The following LDLRAD4 variants were observed in gnomAD, a reference collection of about 807,000 sequenced individuals.
The protein encoded by LDLRAD4 is low-density lipoprotein receptor class A domain-containing protein 4.
Under a neutral mutation model 17.0 loss-of-function variants are expected in LDLRAD4, and 5 were observed. The observed-to-expected ratio is 0.29, with a 90% CI of 0.15 to 0.62. The LOEUF (loss-of-function observed/expected upper bound fraction) is 0.62, where lower values mean the gene tolerates loss of function less well. Among genes scored for constraint, LDLRAD4 ranks in the 20% least tolerant of loss-of-function variants. The pLI, the probability that LDLRAD4 is intolerant of heterozygous loss-of-function variation, is 0.84. For missense variants in LDLRAD4, 340 were observed against 424.7 expected, an observed-to-expected ratio of 0.80 and a Z score of 1.75; for synonymous variants, 168 against 171.8, an observed-to-expected ratio of 0.98 and a Z score of 0.17.
intron 4 of LDLRAD4, among the ~76,000 whole-genome samples, chr18:13,624,411 C>G (rs541123022): frequency 6.6e-6 from 1 of 152,374 alleles, no homozygotes; most frequent in African/African-American, 2.4e-5. Context: ...TCCGCAGGAG[C>G]CAGGCACTGA....
At chr18:13,591,258 G>A (rs1019135466) in intron 3 of LDLRAD4, among the ~76,000 whole-genome samples, 2 of 152,200 alleles carry the variant, frequency 1.3e-5, no homozygotes, top group African/African-American at 2.4e-5. Context: ...GACTGTTATT[G>A]TAGAAACTGG....
chr18:13,457,001 G>C (rs2092171104), intron 3 of LDLRAD4, among the ~76,000 whole-genome samples: 1 of 152,246 alleles, frequency 6.6e-6, no homozygotes, highest in Admixed American at 6.5e-5. Context: ...TGAGAGCAGA[G>C]AACAGTCATC....
intron 3 of LDLRAD4, among the ~76,000 whole-genome samples, chr18:13,444,162 A>G (rs2091231701): frequency 6.6e-6 from 1 of 152,250 alleles, no homozygotes; most frequent in Non-Finnish European, 1.5e-5. Flanking sequence ...ACAGGTGACC[A>G]CTGAGATTTC....
rs567752948 is a variant in LDLRAD4 at position 13,548,766 on chromosome 18, G to A, written c.182-72351G>A. Among the ~76,000 whole-genome samples the A allele has an allele frequency of 2.0e-5, 3 of 152,306 alleles. No individual in the cohort carries two copies. The South Asian group carries it at 6.2e-4, about 32-fold the overall frequency. ...CCCCACCAACTTGGAAAGGGTTAGG[G>A]CTCCCACCTGTTCCTGGCTCCTGCC... On this transcript the variant is annotated intron_variant, in intron 3 of 5. Coordinates refer to ENST00000359446, the Ensembl canonical transcript of LDLRAD4.
Position 13,344,794 on chromosome 18 carries a change from C to T in LDLRAD4, c.-382-42547C>T, listed in dbSNP as rs146045989. On this transcript the variant is annotated intron_variant, in intron 1 of 5. Coordinates refer to ENST00000359446, the Ensembl canonical transcript of LDLRAD4. Reference sequence around the variant, plus strand: ...TGTAGTTCTCCTTGAAGAGGTCCTTCACATCCCTTTTAAGTTGGATTCCTA... The same window carrying T: ...TGTAGTTCTCCTTGAAGAGGTCCTTTACATCCCTTTTAAGTTGGATTCCTA... Among the ~76,000 whole-genome samples, 525 of 152,320 alleles carry T rather than the reference C, an allele frequency of 3.4e-3. 2 individuals carry two copies. Among genetic ancestry groups the T allele is most frequent in the Middle Eastern group, 0.017 (5 of 294 alleles).
At chr18:13,368,194 A>G (rs1473584919) in intron 1 of LDLRAD4, among the ~76,000 whole-genome samples, 2 of 152,130 alleles carry the variant, frequency 1.3e-5, no homozygotes, top group Non-Finnish European at 1.5e-5. Flanking sequence ...GTTTGGTGGC[A>G]TTGGCGCACG....
At chr18:13,275,339 C>A (rs1438122361), upstream of LDLRAD4, among the ~76,000 whole-genome samples, 1 of 152,222 alleles carries the variant, frequency 6.6e-6, no homozygotes. Context: ...TAAGCACTGA[C>A]TCAGGTTCAC....
At chr18:13,492,244 T>C (rs1164630417) in intron 3 of LDLRAD4, among the ~76,000 whole-genome samples, 1 of 152,222 alleles carries the variant, frequency 6.6e-6, no homozygotes. Context: ...GCCACAGGAC[T>C]CATCCACCCC....
intron 3 of LDLRAD4, among the ~76,000 whole-genome samples, chr18:13,504,553 G>A (rs1051427426): frequency 2.0e-5 from 3 of 152,104 alleles, no homozygotes; most frequent in Non-Finnish European, 2.9e-5. Context: ...TCAGCCTCCC[G>A]AGTAGCTGGG....
At chr18:13,448,415 G>A (rs563948871) in intron 3 of LDLRAD4, among the ~76,000 whole-genome samples, 9 of 152,174 alleles carry the variant, frequency 5.9e-5, no homozygotes, top group South Asian at 2.1e-4. Context: ...GGTCTCTTCC[G>A]GGCAGCTCCA....
chr18:13,341,602 A>G (rs896820981), intron 1 of LDLRAD4, among the ~76,000 whole-genome samples: 9 of 152,006 alleles, frequency 5.9e-5, no homozygotes, highest in African/African-American at 2.2e-4. Flanking sequence ...TTTATGTTTT[A>G]TGTTCATTAA....
intron 1 of LDLRAD4, among the ~76,000 whole-genome samples, chr18:13,326,516 G>T (rs1315743703): frequency 6.6e-6 from 1 of 152,236 alleles, no homozygotes; most frequent in Non-Finnish European, 1.5e-5. Flanking sequence ...GAATGGAACA[G>T]ACTTCAGTTT....
chr18:13,592,938 A>T (rs1385632443), intron 3 of LDLRAD4, among the ~76,000 whole-genome samples: 2 of 152,252 alleles, frequency 1.3e-5, no homozygotes, highest in African/African-American at 4.8e-5. Flanking sequence ...ATTGTGTCAA[A>T]TGAGGTTCTA....
At chr18:13,403,012 A>G (rs983264706) in intron 2 of LDLRAD4, among the ~76,000 whole-genome samples, 1 of 152,242 alleles carries the variant, frequency 6.6e-6, no homozygotes, top group Non-Finnish European at 1.5e-5. Context: ...CTGAAATAGT[A>G]TGTAGCTATT....
chr18:13,331,532 C>T (rs971636302), intron 1 of LDLRAD4, among the ~76,000 whole-genome samples: 4 of 152,178 alleles, frequency 2.6e-5, no homozygotes, highest in East Asian at 3.8e-4. Flanking sequence ...CGTTAAAATA[C>T]GGTGGTGATG....
chr18:13,312,244 G>C (rs2047279925), intron 1 of LDLRAD4, among the ~76,000 whole-genome samples: 1 of 152,116 alleles, frequency 6.6e-6, no homozygotes, highest in African/African-American at 2.4e-5. Context: ...TAATAATATT[G>C]TATAAAATTA....
chr18:13,492,121 C>T (rs2093370463), intron 3 of LDLRAD4, among the ~76,000 whole-genome samples: 1 of 152,140 alleles, frequency 6.6e-6, no homozygotes, highest in African/African-American at 2.4e-5. Flanking sequence ...CCCAAGACAC[C>T]AAGACAAGAC....
At chr18:13,651,348 AC>A (rs948282079) in exon 6 of LDLRAD4, 1 of 151,672 alleles carries the variant, frequency 6.6e-6, no homozygotes, top group Non-Finnish European at 1.5e-5. Context: ...GGGAAAGAAT[AC>A]CTCAGGAAAA....
chr18:13,523,194 C>T (rs1449093993), intron 3 of LDLRAD4, among the ~76,000 whole-genome samples: 1 of 152,176 alleles, frequency 6.6e-6, no homozygotes, highest in Non-Finnish European at 1.5e-5. Context: ...TGGGTATCCT[C>T]ACATTAGGGC....
Sources: allele counts gnomAD v4.1 joint callset (sites outside exome capture counted in the v4.1 genomes callset), GRCh38; gene constraint gnomAD v4.1.1; transcripts MANE v1.5; gene names NCBI Gene and HGNC (gene_info 2026-07-23, HGNC 2026-07-21).